EIF4B: variants seen among roughly 807,000 people sequenced by gnomAD.
EIF4B encodes the protein eukaryotic translation initiation factor 4B.
A neutral mutation model predicts 79.3 loss-of-function variants in EIF4B; 8 were observed. The ratio of observed to expected loss-of-function variants is 0.10; its 90% confidence interval spans 0.06 to 0.18. The LOEUF is 0.18. Ranked by LOEUF, EIF4B falls within the 10% of genes least tolerant of loss-of-function variation. The probability of loss-of-function intolerance (pLI) is 1.00; values close to 1 mark genes in which losing one functional copy is unlikely to be tolerated. For synonymous variants in EIF4B, 238 were observed against 274.7 expected (o/e 0.87, Z 1.32); for missense variants, 515 against 792.4 (o/e 0.65, Z 4.20).
intron 6 of EIF4B, 53 bp downstream of exon 6, chr12:53,022,680 G>A (rs1943266131): frequency 6.3e-7 from 1 of 1,580,642 alleles, no homozygotes; most frequent in African/African-American, 1.4e-5. Flanking sequence ...AGGCTATTTA[G>A]TAATAGGACA....
intron 8 of EIF4B, among the ~76,000 whole-genome samples, chr12:53,028,668 A>T (rs1199011677): frequency 6.6e-6 from 1 of 152,128 alleles, no homozygotes; most frequent in African/African-American, 2.4e-5. Flanking sequence ...AATTTATTGA[A>T]TAAACAGTAG....
chr12:53,034,860 C>T (rs1432749129), intron 10 of EIF4B, 151 bp downstream of exon 10: 2 of 772,158 alleles, frequency 2.6e-6, no homozygotes, highest in Admixed American at 4.9e-5. Context: ...TCTTCTGCTC[C>T]AAAGAATCTG....
intron 1 of EIF4B, chr12:53,008,536 T>C (rs931820441): frequency 2.0e-5 from 3 of 152,200 alleles, no homozygotes; most frequent in Non-Finnish European, 4.4e-5. Flanking sequence ...TGTGTGAAAA[T>C]ACATAAAACA....
At chr12:53,013,769 AGT>A (rs1317681894) in intron 1 of EIF4B, 1 of 151,030 alleles carries the variant, frequency 6.6e-6, no homozygotes, top group African/African-American at 2.4e-5. Flanking sequence ...CCTGGACAAG[AGT>A]GAGACTCCCT....
chr12:53,020,037 TAA>T lies in EIF4B; in HGVS notation c.477+12_477+13del. 1 of 1,596,456 alleles carries T rather than the reference TAA, an allele frequency of 6.3e-7. No homozygotes were observed. Among genetic ancestry groups the T allele is most frequent in the East Asian group, 2.2e-5 (1 of 44,690 alleles). ...AGTCTCAATGAAGAGGTAAAGAAAATAAGAGTGGGGATATGAGGGGTGTAAGT... is the reference window on the plus strand; with the variant it reads ...AGTCTCAATGAAGAGGTAAAGAAAATGAGTGGGGATATGAGGGGTGTAAGT... On this transcript the variant is annotated intron_variant, in intron 4 of 14. Coordinates refer to ENST00000262056, the MANE Select transcript of EIF4B (RefSeq NM_001417.7).
At chr12:53,027,231 T>C (rs2120945126) in intron 6 of EIF4B, among the ~76,000 whole-genome samples, 1 of 147,882 alleles carries the variant, frequency 6.8e-6, no homozygotes, top group East Asian at 2.2e-4. Context: ...CCTCCCGGGT[T>C]CACACCATTC....
intron 6 of EIF4B, among the ~76,000 whole-genome samples, chr12:53,027,528 G>A: frequency 6.6e-6 from 1 of 152,048 alleles, no homozygotes; most frequent in Non-Finnish European, 1.5e-5. Context: ...GCTTTGTTTT[G>A]TTTTTTGTTT....
At chr12:53,029,202 A>G (rs1943391791) in intron 8 of EIF4B, among the ~76,000 whole-genome samples, 1 of 152,048 alleles carries the variant, frequency 6.6e-6, no homozygotes, top group Non-Finnish European at 1.5e-5. Context: ...ATTTTGGTGC[A>G]CCTATTCTAA....
intron 1 of EIF4B, among the ~76,000 whole-genome samples, chr12:53,009,866 G>T (rs936389003): frequency 2.0e-5 from 3 of 152,122 alleles, no homozygotes; most frequent in Non-Finnish European, 4.4e-5. Context: ...TAATGTCATT[G>T]AAAAAAGAGG....
At chr12:53,012,706 C>T (rs1006149538) in intron 1 of EIF4B, among the ~76,000 whole-genome samples, 120 of 151,054 alleles carry the variant, frequency 7.9e-4, no homozygotes, top group Non-Finnish European at 1.4e-3. Flanking sequence ...CCCGGGTTCA[C>T]GCCATTCTCC....
chr12:53,029,500 C>G (rs1365964626), intron 8 of EIF4B, among the ~76,000 whole-genome samples: 1 of 151,758 alleles, frequency 6.6e-6, no homozygotes, highest in African/African-American at 2.4e-5. Flanking sequence ...CTCAGCCTCC[C>G]GAGTAGCTGG....
intron 1 of EIF4B, among the ~76,000 whole-genome samples, chr12:53,015,667 C>T (rs1199545255): frequency 1.5e-5 from 2 of 132,316 alleles, no homozygotes; most frequent in African/African-American, 5.4e-5. Flanking sequence ...GACAACAGAG[C>T]AAGACCCTGT....
At chr12:53,021,960 C>T in intron 5 of EIF4B, 100 bp downstream of exon 5, 1 of 1,391,672 alleles carries the variant, frequency 7.2e-7, no homozygotes. Context: ...GTGGGCCTGC[C>T]TGAATCTACA....
At position 53,040,425 on chromosome 12, in the gene EIF4B, A is replaced by G. The variant is rs1943614012; in HGVS notation, c.*202A>G. 1.9e-6 allele frequency: 1 copy of G among 516,118 alleles called. No homozygotes were observed. Among genetic ancestry groups the G allele is most frequent in the Non-Finnish European group, 3.4e-6 (1 of 292,564 alleles). 32.0% of individuals were successfully genotyped at this position (516,118 alleles called of 1,614,324 possible). A position where few individuals can be genotyped will look rare whatever the true frequency, so the allele number is the denominator to read the frequency against. ...TATTGAAGTAACTGGAGAATTGCCA[A>G]TACAGCCAGAGAGAAAGGGACTACA... On this transcript the variant is annotated 3_prime_UTR_variant, in exon 15 of 15. Transcript: ENST00000262056.
chr12:53,017,443 T>C (rs199580265), intron 2 of EIF4B, among the ~76,000 whole-genome samples: 1 of 152,164 alleles, frequency 6.6e-6, no homozygotes, highest in African/African-American at 2.4e-5. Context: ...GGACAAGTTC[T>C]GTGCCTTCAG....
At chr12:53,014,141 G>A (rs1943110683) in intron 1 of EIF4B, among the ~76,000 whole-genome samples, 1 of 151,580 alleles carries the variant, frequency 6.6e-6, no homozygotes, top group East Asian at 1.9e-4. Context: ...AAAGAAAAAA[G>A]AAAAAGCAGG....
chr12:53,031,751 G>A (rs1161245311), intron 8 of EIF4B, among the ~76,000 whole-genome samples: 3 of 152,152 alleles, frequency 2.0e-5, no homozygotes, highest in African/African-American at 7.2e-5. Context: ...TCTATCTACA[G>A]GTACTATGTG....
rs767611508 is a variant in EIF4B at position 53,037,586 on chromosome 12, C to G, written c.1484C>G (p.Ser495Cys). Residue 495 changes from serine (S) to cysteine (C), a missense_variant, in exon 11 of 15, where the codon TCT (serine) becomes TGT (cysteine). By Grantham distance (112) the Ser-to-Cys change is moderately radical. This residue lies in a region of EIF4B where 146 missense variants were observed against 228.0 expected (regional missense o/e 0.64). Coordinates refer to ENST00000262056, the MANE Select transcript of EIF4B (RefSeq NM_001417.7). The stretch of plus-strand genomic sequence containing the variant: ...CGAAGTTCTAACCCTCCTGCTCGAT[C>G]TCAGAGCTCAGACACAGAGCAGCAG... ...VKRSSNPPARSQSSDTEQQSP... is the reference protein window; with the variant it reads ...VKRSSNPPARCQSSDTEQQSP... 2.5e-6 allele frequency: 4 copies of G among 1,613,874 alleles called. No individual in the cohort carries two copies. The South Asian group carries it at 3.3e-5, about 13-fold the overall frequency.
chr12:53,019,434 T>TTTTTTTTTTTTTC (rs1943203937), intron 3 of EIF4B, among the ~76,000 whole-genome samples: 1 of 86,268 alleles, frequency 1.2e-5, no homozygotes, highest in Admixed American at 1.7e-4. Flanking sequence ...TATATATATA[T>TTTTTTTTTTTTTC]ATATTTTTTT....
Sources: allele counts gnomAD v4.1 joint callset (sites outside exome capture counted in the v4.1 genomes callset), GRCh38; gene constraint gnomAD v4.1.1; regional missense constraint gnomAD v4.1.1; transcripts MANE v1.5; gene names NCBI Gene and HGNC (gene_info 2026-07-23, HGNC 2026-07-21).